KCNC2: variants seen among roughly 807,000 people sequenced by gnomAD.
KCNC2 encodes potassium voltage-gated channel subfamily C member 2.
KCNC2 carries 21 observed loss-of-function variants against 44.5 expected under a neutral mutation model. That is an observed-to-expected ratio of 0.47 (90% confidence interval 0.33 to 0.68). The LOEUF (loss-of-function observed/expected upper bound fraction) is 0.68, where lower values mean the gene tolerates loss of function less well. KCNC2 is among the 30% of genes least tolerant of loss of function. The probability of loss-of-function intolerance (pLI) is 0.01; values close to 1 mark genes in which losing one functional copy is unlikely to be tolerated. For synonymous variants in KCNC2, 391 were observed against 339.1 expected (o/e 1.15, Z -1.68); for missense variants, 589 against 826.2 (o/e 0.71, Z 3.52).
At chr12:75,178,626 TA>T (rs1204518707) in intron 2 of KCNC2, among the ~76,000 whole-genome samples, 5 of 152,068 alleles carry the variant, frequency 3.3e-5, no homozygotes, top group African/African-American at 1.2e-4. Context: ...CAGATCCTTG[TA>T]ACCCTCAAAT....
chr12:75,051,650 A>C (rs1881184965), intron 2 of KCNC2, among the ~76,000 whole-genome samples: 1 of 152,166 alleles, frequency 6.6e-6, no homozygotes, highest in African/African-American at 2.4e-5. Flanking sequence ...AAAACACACC[A>C]AAACAAAAGA....
intron 2 of KCNC2, among the ~76,000 whole-genome samples, chr12:75,167,977 A>C (rs1466353882): frequency 3.3e-5 from 5 of 151,386 alleles, no homozygotes; most frequent in Non-Finnish European, 5.9e-5. Flanking sequence ...TTGAATGACA[A>C]CTCTTTGCTT....
intron 4 of KCNC2, among the ~76,000 whole-genome samples, chr12:75,045,384 T>C (rs1008350891): frequency 1.3e-5 from 2 of 152,004 alleles, no homozygotes; most frequent in African/African-American, 4.8e-5. Flanking sequence ...ATGGGTCCTA[T>C]ATTTCTAATG....
At chr12:75,195,960 C>T (rs2030727361) in intron 2 of KCNC2, among the ~76,000 whole-genome samples, 1 of 152,152 alleles carries the variant, frequency 6.6e-6, no homozygotes, top group Admixed American at 6.6e-5. Flanking sequence ...GTACCTCAAA[C>T]AGGACAAACA....
At chr12:75,163,743 A>G (rs1372308069) in intron 2 of KCNC2, among the ~76,000 whole-genome samples, 5 of 151,732 alleles carry the variant, frequency 3.3e-5, no homozygotes, top group Admixed American at 1.3e-4. Flanking sequence ...ATTTTGAAAC[A>G]TAGATTATGT....
At chr12:75,119,176 T>C (rs1887878799) in intron 2 of KCNC2, among the ~76,000 whole-genome samples, 2 of 152,156 alleles carry the variant, frequency 1.3e-5, no homozygotes, top group Non-Finnish European at 2.9e-5. Flanking sequence ...CCCTGTCAAA[T>C]AGATTAATAT....
intron 2 of KCNC2, among the ~76,000 whole-genome samples, chr12:75,115,064 C>T (rs991826930): frequency 1.5e-4 from 23 of 151,858 alleles, no homozygotes; most frequent in African/African-American, 5.6e-4. Context: ...TGGGTTTCAC[C>T]GTGTTAGCCA....
chr12:75,084,023 C>A (rs1884738047), intron 2 of KCNC2, among the ~76,000 whole-genome samples: 1 of 151,828 alleles, frequency 6.6e-6, no homozygotes, highest in African/African-American at 2.4e-5. Flanking sequence ...TAATTAGAAT[C>A]TTCTGTTTAA....
chr12:75,055,627 G>C (rs922755640), intron 2 of KCNC2, among the ~76,000 whole-genome samples: 1 of 152,084 alleles, frequency 6.6e-6, no homozygotes. Context: ...TAGTTTCAGA[G>C]TAAAAATACT....
intron 2 of KCNC2, among the ~76,000 whole-genome samples, chr12:75,178,319 AAATAAGGTGGG>A (rs1350991315): frequency 6.6e-6 from 1 of 152,012 alleles, no homozygotes; most frequent in Non-Finnish European, 1.5e-5. Flanking sequence ...GTTATAATAT[AAATAAGGTGGG>A]TAAGAATCAG....
intron 2 of KCNC2, among the ~76,000 whole-genome samples, chr12:75,151,736 CA>C (rs1478216730): frequency 1.3e-5 from 2 of 151,138 alleles, no homozygotes; most frequent in Non-Finnish European, 3.0e-5. Context: ...TATCAAGAAT[CA>C]ACCAGATTTG....
At chr12:75,048,112 T>C (rs1260984797) in intron 4 of KCNC2, 41 bp downstream of exon 4, 1 of 1,577,428 alleles carries the variant, frequency 6.3e-7, no homozygotes, top group Non-Finnish European at 8.7e-7. Flanking sequence ...AACAGTTTAT[T>C]GCTAAGTCAC....
At chr12:75,189,653 G>T (rs1041163601) in intron 2 of KCNC2, among the ~76,000 whole-genome samples, 1 of 152,146 alleles carries the variant, frequency 6.6e-6, no homozygotes, top group African/African-American at 2.4e-5. Flanking sequence ...CCTGTGCCAG[G>T]CTTCAGTAAT....
At chr12:75,086,671 AAAAAAAAAAAAT>A (rs1565842416) in intron 2 of KCNC2, among the ~76,000 whole-genome samples, 1 of 89,392 alleles carries the variant, frequency 1.1e-5, no homozygotes, top group African/African-American at 4.9e-5. Flanking sequence ...AAAAAAAAAA[AAAAAAAAAAAAT>A]ATATATATAT....
rs1427643715 is a variant in KCNC2, at chr12:75,201,259, T to C, written c.687+6038A>G. ...AAAGGGCAGAAAGTTACAAACGAAA[T>C]TGGAAAAAAAAAAAAAAAAAAAAAA... is the stretch of plus-strand genomic sequence containing the variant. On this transcript the variant is annotated intron_variant, in intron 2 of 4. Transcript: ENST00000549446. Among the ~76,000 whole-genome samples the C allele has an allele frequency of 2.2e-4, 7 of 32,326 alleles. No homozygotes were observed. The Admixed American group carries it at 2.4e-3, about 11-fold the overall frequency. The allele number at this position is 32,326 out of a possible 152,430, so 21.2% of individuals were successfully genotyped here.
intron 2 of KCNC2, among the ~76,000 whole-genome samples, chr12:75,083,093 A>C (rs1297580594): frequency 6.7e-6 from 1 of 150,152 alleles, no homozygotes; most frequent in Non-Finnish European, 1.5e-5. Flanking sequence ...AGTAAGAATT[A>C]AAATTATTTT....
intron 2 of KCNC2, among the ~76,000 whole-genome samples, chr12:75,079,544 G>A (rs938416480): frequency 3.9e-5 from 6 of 152,122 alleles, no homozygotes; most frequent in East Asian, 1.9e-4. Flanking sequence ...ATGTAAATAC[G>A]TTTCATTGTG....
intron 2 of KCNC2, among the ~76,000 whole-genome samples, chr12:75,135,046 G>A (rs568335393): frequency 2.3e-4 from 35 of 151,526 alleles, no homozygotes; most frequent in African/African-American, 3.1e-4. Flanking sequence ...AAATATTTTC[G>A]TATTTATACT....
chr12:75,141,204 C>T (rs1456236176), intron 2 of KCNC2, among the ~76,000 whole-genome samples: 1 of 152,158 alleles, frequency 6.6e-6, no homozygotes, highest in South Asian at 2.1e-4. Context: ...TATTTTCAAA[C>T]CCTTCAACCA....
Sources: allele counts gnomAD v4.1 joint callset (sites outside exome capture counted in the v4.1 genomes callset), GRCh38; gene constraint gnomAD v4.1.1; transcripts MANE v1.5; gene names NCBI Gene and HGNC (gene_info 2026-07-23, HGNC 2026-07-21).